PPFIA3: variants seen among roughly 807,000 people sequenced by gnomAD.
The protein encoded by PPFIA3 is liprin-alpha-3.
A neutral mutation model predicts 145.8 loss-of-function variants in PPFIA3; 26 were observed. That is an observed-to-expected ratio of 0.18 (90% CI 0.13 to 0.25). The LOEUF is 0.25. Ranked by LOEUF, PPFIA3 falls within the 10% of genes least tolerant of loss-of-function variation. PPFIA3 has a pLI of 1.00. For missense variants in PPFIA3, 1,008 were observed against 1,587.8 expected, an observed-to-expected ratio of 0.63 and a Z score of 6.21; for synonymous variants, 645 against 661.4, an observed-to-expected ratio of 0.98 and a Z score of 0.38.
At chr19:49,129,090 G>A in intron 4 of PPFIA3, 78 bp downstream of exon 4, 3 of 1,428,476 alleles carry the variant, frequency 2.1e-6, no homozygotes, top group South Asian at 1.4e-5. Context: ...GAGAGATTCT[G>A]GCCGTGATTG....
chr19:49,142,752 T>C, intron 20 of PPFIA3, 52 bp from the exon 21 acceptor site: 1 of 1,557,270 alleles, frequency 6.4e-7, no homozygotes, highest in Non-Finnish European at 8.8e-7. Flanking sequence ...CTCTCCGATT[T>C]TCTCCTCCTC....
rs778123369 is a variant in PPFIA3, at chr19:49,145,914, A to G, written c.2746-29A>G. 323 of 1,607,332 alleles carry G rather than the reference A, an allele frequency of 2.0e-4. 2 individuals are homozygous for G. The South Asian group carries it at 3.4e-3, about 17-fold the overall frequency. Reference sequence around the variant, plus strand: ...TCTCCCCCACGCGAAGCCCTCTCCCACCATCCATTAACACTCCCTGCCCCT... The same window carrying G: ...TCTCCCCCACGCGAAGCCCTCTCCCGCCATCCATTAACACTCCCTGCCCCT... On this transcript the variant is annotated intron_variant, in intron 21 of 29. Transcript: ENST00000334186.
chr19:49,146,304 G>C, intron 23 of PPFIA3, 112 bp downstream of exon 23: 7 of 1,341,852 alleles, frequency 5.2e-6, no homozygotes, highest in East Asian at 2.4e-5. Context: ...TCATCCCCAT[G>C]GGGGGGCGCT....
Position 49,130,693 on chromosome 19 carries a change from C to G in PPFIA3, c.879+94C>G. The stretch of plus-strand genomic sequence containing the variant: ...GCTCATGAATGGCGGAACCTCGATT[C>G]AGTCCACAGGCTGGGTGACTCCTCT... On this transcript the variant is annotated intron_variant, in intron 7 of 29. Coordinates refer to ENST00000334186, the MANE Select transcript of PPFIA3 (RefSeq NM_003660.4). The surrounding 1 kb of genome is among the most constrained non-coding windows in gnomAD (Gnocchi z 4.5). 1 of 1,079,232 alleles carries G rather than the reference C, an allele frequency of 9.3e-7. No individual in the cohort carries two copies. The highest frequency in any genetic ancestry group is 1.3e-6 in the Non-Finnish European group (1 of 756,758). 66.9% of individuals were successfully genotyped at this position (1,079,232 alleles called of 1,614,324 possible).
At chr19:49,124,698 G>A (rs756236984) in intron 1 of PPFIA3, among the ~76,000 whole-genome samples, 1 of 152,036 alleles carries the variant, frequency 6.6e-6, no homozygotes, top group Admixed American at 6.6e-5. Flanking sequence ...TTTCCTTCTC[G>A]GTCAATTTAA....
At chr19:49,145,293 C>T (rs886221169) in intron 21 of PPFIA3, among the ~76,000 whole-genome samples, 3 of 151,996 alleles carry the variant, frequency 2.0e-5, no homozygotes, top group Non-Finnish European at 2.9e-5. Context: ...GTGATGTGCC[C>T]GCCTCAGCCT....
At chr19:49,145,746 G>T in intron 21 of PPFIA3, 197 bp from the exon 22 acceptor site, 1 of 603,052 alleles carries the variant, frequency 1.7e-6, no homozygotes, top group Admixed American at 2.9e-5. Flanking sequence ...ACCTGAATTT[G>T]TTCAACTCCA....
chr19:49,149,299 T>C lies in PPFIA3; in HGVS notation c.3328T>C (p.Leu1110=). Residue 1110 remains leucine (L), a synonymous_variant, in exon 27 of 30, where the codon TTA becomes CTA. Coordinates refer to ENST00000334186, the MANE Select transcript of PPFIA3 (RefSeq NM_003660.4). This position sits in a 1 kb window ranked among gnomAD's most constrained non-coding sequence, Gnocchi z 5.7. The stretch of plus-strand genomic sequence containing the variant: ...GAAGGAATTCAGCAACCTTATCTCC[T>C]TAGGCACAGACAGGCGGCTGGACGA... ...LEKEFSNLIS[L]GTDRRLDEDS... is the part of the protein sequence containing the mutation. The C allele has an allele frequency of 6.2e-7, 1 of 1,614,078 alleles. No homozygotes were observed. Among genetic ancestry groups the C allele is most frequent in the Non-Finnish European group, 8.5e-7 (1 of 1,179,998 alleles).
chr19:49,142,031 C>T lies in PPFIA3; in HGVS notation c.2463-3C>T. On this transcript the variant is annotated splice_polypyrimidine_tract_variant and splice_region_variant and intron_variant, in intron 19 of 29. Transcript: ENST00000334186. ...TTCTATCCTGGCCCCTTCACCCTTA[C>T]AGGCATGAACTCCTGGAGGAGGCCT... The T allele has an allele frequency of 6.4e-7, 1 of 1,562,788 alleles. No individual in the cohort carries two copies. Among genetic ancestry groups the T allele is most frequent in the Non-Finnish European group, 8.7e-7 (1 of 1,152,876 alleles).
chr19:49,122,077 A>AG (rs2040942275), intron 1 of PPFIA3, among the ~76,000 whole-genome samples: 1 of 121,630 alleles, frequency 8.2e-6, no homozygotes, highest in African/African-American at 3.1e-5. Context: ...GCCAGATGCC[A>AG]ATTTTTTTTT....
intron 19 of PPFIA3, 102 bp downstream of exon 19, chr19:49,141,615 T>G: frequency 2.2e-6 from 2 of 912,902 alleles, no homozygotes; most frequent in Non-Finnish European, 3.3e-6. Context: ...TGTGTGTGTG[T>G]GAGAGGGTGT....
At chr19:49,139,489 C>CAAAAA (rs370199974) in intron 16 of PPFIA3, among the ~76,000 whole-genome samples, 179 bp from the exon 17 acceptor site, 2 of 64,436 alleles carry the variant, frequency 3.1e-5, no homozygotes, top group African/African-American at 5.6e-5. Flanking sequence ...AACTCCATCT[C>CAAAAA]AAAAAAAAAA....
chr19:49,150,154 G>A lies in PPFIA3; in HGVS notation c.*13+3G>A. 1.2e-6 allele frequency: 2 copies of A among 1,605,644 alleles called. No homozygotes were observed. The highest frequency in any genetic ancestry group is 1.7e-6 in the Non-Finnish European group (2 of 1,176,730). On this transcript the variant is annotated splice_donor_region_variant and intron_variant, in intron 29 of 29. Transcript: ENST00000334186. ...TTCCTGCTAGTGCAGGCCTCCAGGTGAGGACCGTGCTGGGCGACCTTGGGG... is the reference window on the plus strand; with the variant it reads ...TTCCTGCTAGTGCAGGCCTCCAGGTAAGGACCGTGCTGGGCGACCTTGGGG...
rs139350883 is a variant in PPFIA3, at chr19:49,143,274, C to A, written c.2745+270C>A. Among the ~76,000 whole-genome samples the A allele has an allele frequency of 4.2e-3, 643 of 152,342 alleles. 11 individuals are homozygous for A. Among genetic ancestry groups the A allele is most frequent in the Middle Eastern group, 0.027 (8 of 294 alleles). The stretch of plus-strand genomic sequence containing the variant: ...CTCAAATGTCACCACCTCTAAGAAG[C>A]TTTCTTTGTCAGCTAAACGAGTTTC... On this transcript the variant is annotated intron_variant, in intron 21 of 29. Coordinates refer to ENST00000334186, the MANE Select transcript of PPFIA3 (RefSeq NM_003660.4).
In PPFIA3 at chr19:49,130,865, T is replaced by A. The variant is rs550847638; in HGVS notation, c.879+266T>A. ...CTTCTCTGGTGCCTCTAAATGGATT[T>A]TTTTTTTCTTTTGTGAGGCAGAGTC... On this transcript the variant is annotated intron_variant, in intron 7 of 29. Coordinates refer to ENST00000334186, the MANE Select transcript of PPFIA3 (RefSeq NM_003660.4). The surrounding 1 kb of genome is among the most constrained non-coding windows in gnomAD (Gnocchi z 4.5). 1.3e-5 allele frequency among the ~76,000 whole-genome samples: 2 copies of A among 152,202 alleles called. No individual in the cohort carries two copies. The highest frequency in any genetic ancestry group is 3.9e-4 in the East Asian group (2 of 5,184).
chr19:49,137,047 A>G, intron 15 of PPFIA3, 136 bp downstream of exon 15: 2 of 798,898 alleles, frequency 2.5e-6, no homozygotes. Flanking sequence ...CCCAACACTC[A>G]CTCCGCTGTC....
chr19:49,129,055 A>C (rs1283078960), intron 4 of PPFIA3, 43 bp downstream of exon 4: 1 of 1,532,004 alleles, frequency 6.5e-7, no homozygotes, highest in Non-Finnish European at 8.8e-7. Context: ...GGAAACCTAT[A>C]GTTGACTGGG....
chr19:49,141,788 TTTATA>T (rs534302469), intron 19 of PPFIA3, among the ~76,000 whole-genome samples: 6 of 152,000 alleles, frequency 3.9e-5, no homozygotes, highest in Non-Finnish European at 8.8e-5. Flanking sequence ...ATTTTTTACA[TTTATA>T]TTATATTTTT....
At position 49,128,175 on chromosome 19, in the gene PPFIA3, G is replaced by A. The variant is rs567695742; in HGVS notation, c.240+62G>A. 14 of 1,467,354 alleles carry A rather than the reference G, an allele frequency of 9.5e-6. No individual in the cohort carries two copies. In the African/African-American group the frequency reaches 1.4e-4, roughly 15 times the overall value. The allele number at this position is 1,467,354 out of a possible 1,614,324, so 90.9% of individuals were successfully genotyped here. ...GGCCTCGGGGGGAAGAAGGCGGTCC[G>A]GAAGGGGCCGGGCTTGGCGCCTGGA... On this transcript the variant is annotated intron_variant, in intron 2 of 29. Transcript: ENST00000334186. The surrounding 1 kb of genome is among the most constrained non-coding windows in gnomAD (Gnocchi z 4.1).
Sources: gnomAD v4.1 joint callset for allele counts (sites outside exome capture counted in the v4.1 genomes callset) on GRCh38, gnomAD v4.1.1 for gene constraint, Gnocchi (gnomAD v3.1) non-coding constraint, MANE v1.5 for transcripts, NCBI Gene and HGNC (gene_info 2026-07-23, HGNC 2026-07-21) for gene names.